Variants in MSRB3 observed in about 807,000 individuals in gnomAD.
MSRB3 encodes the protein methionine sulfoxide reductase B3, also known as methionine-R-sulfoxide reductase B3.
Under a neutral mutation model 21.0 loss-of-function variants are expected in MSRB3, and 13 were observed. That is an observed-to-expected ratio of 0.62 (90% CI 0.40 to 0.98). The LOEUF (loss-of-function observed/expected upper bound fraction) is 0.98. Ranked by LOEUF, MSRB3 falls within the 50% of genes least tolerant of loss-of-function variation. The pLI is 0.00. For synonymous variants in MSRB3, 87 were observed against 88.6 expected (o/e 0.98, Z 0.10); for missense variants, 199 against 230.3 (o/e 0.86, Z 0.88).
intron 1 of MSRB3, chr12:65,306,827 T>C: frequency 1.0e-6 from 1 of 985,612 alleles, no homozygotes; most frequent in Non-Finnish European, 1.2e-6. Context: ...AGGTTTTAAT[T>C]GTAGAATGCA....
chr12:65,307,139 G>A (rs1217255032), intron 1 of MSRB3: 3 of 614,566 alleles, frequency 4.9e-6, no homozygotes, highest in African/African-American at 4.0e-5. Flanking sequence ...TTATTAGTCA[G>A]TAGTCTGCTC....
chr12:65,297,054 A>C (rs1265879323), intron 1 of MSRB3, among the ~76,000 whole-genome samples: 1 of 152,196 alleles, frequency 6.6e-6, no homozygotes, highest in African/African-American at 2.4e-5. Context: ...AAGGAACAAG[A>C]TTATGTCCTT....
intron 6 of MSRB3, among the ~76,000 whole-genome samples, chr12:65,454,989 G>A (rs946694610): frequency 2.0e-5 from 3 of 152,218 alleles, no homozygotes; most frequent in Non-Finnish European, 4.4e-5. Flanking sequence ...GGCATTGAAA[G>A]TTATTGACAC....
At chr12:65,344,538 A>G (rs1003756317) in intron 4 of MSRB3, among the ~76,000 whole-genome samples, 1 of 151,998 alleles carries the variant, frequency 6.6e-6, no homozygotes, top group Middle Eastern at 3.2e-3. Flanking sequence ...TTATAGACAT[A>G]AAGTGGTATG....
At chr12:65,356,086 G>C (rs564749438) in intron 4 of MSRB3, among the ~76,000 whole-genome samples, 1 of 151,932 alleles carries the variant, frequency 6.6e-6, no homozygotes, top group Non-Finnish European at 1.5e-5. Flanking sequence ...TCTTGATATT[G>C]AATATTTGTC....
At chr12:65,454,663 G>A (rs1883011471) in intron 6 of MSRB3, among the ~76,000 whole-genome samples, 1 of 152,136 alleles carries the variant, frequency 6.6e-6, no homozygotes, top group African/African-American at 2.4e-5. Flanking sequence ...CATGAGATAA[G>A]GTAATTCCTT....
At chr12:65,316,956 TA>T (rs1425348579) in intron 2 of MSRB3, among the ~76,000 whole-genome samples, 2 of 151,338 alleles carry the variant, frequency 1.3e-5, no homozygotes, top group Non-Finnish European at 2.9e-5. Flanking sequence ...AAGATGGGGG[TA>T]GGGGTGGATT....
chr12:65,282,789 C>A (rs1872116537), intron 1 of MSRB3, among the ~76,000 whole-genome samples: 1 of 149,426 alleles, frequency 6.7e-6, no homozygotes, highest in Admixed American at 6.7e-5. Flanking sequence ...ATCCTAAATT[C>A]CTGGGAGGTA....
intron 4 of MSRB3, among the ~76,000 whole-genome samples, chr12:65,337,988 C>T (rs953561259): frequency 5.3e-5 from 8 of 152,200 alleles, no homozygotes; most frequent in African/African-American, 1.9e-4. Context: ...GCCCCCACCT[C>T]TACTCCATTA....
intron 4 of MSRB3, among the ~76,000 whole-genome samples, chr12:65,338,710 TA>T (rs1875945460): frequency 6.6e-6 from 1 of 152,036 alleles, no homozygotes; most frequent in Non-Finnish European, 1.5e-5. Flanking sequence ...ACAAAATCAA[TA>T]AAAGAAATTG....
At chr12:65,345,828 G>A (rs1305239055) in intron 4 of MSRB3, among the ~76,000 whole-genome samples, 1 of 151,992 alleles carries the variant, frequency 6.6e-6, no homozygotes, top group Non-Finnish European at 1.5e-5. Flanking sequence ...GAGAACATGT[G>A]GTGTTTGGTT....
At chr12:65,453,441 C>G (rs1210047633) in intron 5 of MSRB3, among the ~76,000 whole-genome samples, 1 of 152,078 alleles carries the variant, frequency 6.6e-6, no homozygotes, top group Non-Finnish European at 1.5e-5. Flanking sequence ...AGAGAGCCTT[C>G]TAAGTTCAAG....
At chr12:65,423,332 GT>G (rs1462256656) in intron 5 of MSRB3, among the ~76,000 whole-genome samples, 7 of 152,126 alleles carry the variant, frequency 4.6e-5, no homozygotes, top group African/African-American at 7.2e-5. Context: ...CAATTTGGGT[GT>G]ATTTTATTTT....
At chr12:65,314,252 T>C (rs1874159665) in intron 2 of MSRB3, among the ~76,000 whole-genome samples, 1 of 152,172 alleles carries the variant, frequency 6.6e-6, no homozygotes, top group Non-Finnish European at 1.5e-5. Context: ...TAAATTTTCT[T>C]CAGCAGACCA....
rs531630418 is a variant in MSRB3 at position 65,463,391 on chromosome 12, C to G, written c.*69C>G. On this transcript the variant is annotated 3_prime_UTR_variant, in exon 7 of 7. Transcript: ENST00000308259. Reference sequence around the variant, plus strand: ...TTATTAAAAAAATCAAAATTGTTATCTTAATAGATATATTTTTTCAAAAAC... The same window carrying G: ...TTATTAAAAAAATCAAAATTGTTATGTTAATAGATATATTTTTTCAAAAAC... 2.9e-4 allele frequency: 443 copies of G among 1,542,028 alleles called. No homozygotes were observed. Among genetic ancestry groups the G allele is most frequent in the Non-Finnish European group, 3.7e-4 (422 of 1,134,058 alleles).
intron 5 of MSRB3, among the ~76,000 whole-genome samples, chr12:65,438,749 G>A (rs1200529733): frequency 6.6e-6 from 1 of 151,714 alleles, no homozygotes; most frequent in Admixed American, 6.6e-5. Context: ...TCTTGATATG[G>A]AAGACAATGG....
chr12:65,402,540 C>T (rs1187352888), intron 5 of MSRB3, among the ~76,000 whole-genome samples: 2 of 152,136 alleles, frequency 1.3e-5, no homozygotes, highest in Non-Finnish European at 2.9e-5. Context: ...TTCTTAGCTT[C>T]CTTACATTGA....
chr12:65,408,381 C>T (rs560109215), intron 5 of MSRB3, among the ~76,000 whole-genome samples: 20 of 152,282 alleles, frequency 1.3e-4, no homozygotes, highest in African/African-American at 4.6e-4. Context: ...GCGTGAGCCA[C>T]CGGCCTTATC....
chr12:65,332,607 C>A (rs1246793844), intron 4 of MSRB3, among the ~76,000 whole-genome samples: 1 of 152,084 alleles, frequency 6.6e-6, no homozygotes, highest in African/African-American at 2.4e-5. Context: ...GCACGTTGTG[C>A]ACATGTACCC....
Sources: allele counts gnomAD v4.1 joint callset (sites outside exome capture counted in the v4.1 genomes callset), GRCh38; gene constraint gnomAD v4.1.1; transcripts MANE v1.5; gene names NCBI Gene and HGNC (gene_info 2026-07-23, HGNC 2026-07-21).